Variants in THSD7A observed in about 807,000 individuals in gnomAD.
The protein encoded by THSD7A is thrombospondin type 1 domain containing 7A.
THSD7A carries 96 observed loss-of-function variants against 231.3 expected under a neutral mutation model. The ratio of observed to expected loss-of-function variants is 0.41; its 90% CI spans 0.35 to 0.49. The LOEUF (loss-of-function observed/expected upper bound fraction) is 0.49. Ranked by LOEUF, THSD7A falls within the 20% of genes least tolerant of loss-of-function variation. THSD7A has a pLI of 0.05. For synonymous variants in THSD7A, 940 were observed against 743.3 expected, an observed-to-expected ratio of 1.26 and a Z score of -4.30; for missense variants, 2,290 against 2,070.2, an observed-to-expected ratio of 1.11 and a Z score of -2.06.
chr7:11,615,429 T>G (rs1371212906), intron 2 of THSD7A, among the ~76,000 whole-genome samples: 1 of 152,146 alleles, frequency 6.6e-6, no homozygotes, highest in Non-Finnish European at 1.5e-5. Context: ...CCACACTTGT[T>G]TCCTTGACTC....
intron 1 of THSD7A, among the ~76,000 whole-genome samples, chr7:11,680,308 A>G (rs1783820251): frequency 6.6e-6 from 1 of 152,334 alleles, no homozygotes; most frequent in South Asian, 2.1e-4. Flanking sequence ...CTTCATGACT[A>G]AAACACCAAA....
intron 23 of THSD7A, chr7:11,384,329 G>A (rs1007328258): frequency 6.6e-6 from 1 of 151,462 alleles, no homozygotes; most frequent in Non-Finnish European, 1.5e-5. Context: ...CAAGTTTGTG[G>A]CTTGTCCTGT....
rs762286945 is a variant in THSD7A, at chr7:11,447,408, C to G, written c.2622G>C (p.Lys874Asn). The change falls in exon 12 of 28, where the codon AAG becomes AAC. Residue 874 changes from lysine (K) to asparagine (N), a missense_variant. Transcript: ENST00000423059. ...GRQARAITCR[K>N]QDGGQAGIHE... ...GGATTCCAGCCTGTCCTCCATCTTG[C>G]TTGCGACAAGTAATGGCTAAAAGAA... 4 of 1,569,214 alleles carry G rather than the reference C, an allele frequency of 2.5e-6. No individual in the cohort carries two copies. In the Admixed American group the frequency reaches 7.9e-5, roughly 31 times the overall value.
At position 11,375,579 on chromosome 7, in the gene THSD7A, A is replaced by G. The variant is rs1321391814; in HGVS notation, c.*215T>C. 1.0e-5 allele frequency: 4 copies of G among 386,466 alleles called. No individual in the cohort carries two copies. The highest frequency in any genetic ancestry group is 2.1e-5 in the African/African-American group (1 of 47,986). The allele number at this position is 386,466 out of a possible 1,614,324, so 23.9% of individuals were successfully genotyped here. ...CAGAATGCAGCATGTATTCAGCTAA[A>G]TCTCCTATAATTCTCACGGTTGATG... is the stretch of plus-strand genomic sequence containing the variant. On this transcript the variant is annotated 3_prime_UTR_variant, in exon 28 of 28. Transcript: ENST00000423059.
intron 15 of THSD7A, among the ~76,000 whole-genome samples, chr7:11,425,930 C>G (rs768626692): frequency 1.3e-5 from 2 of 151,950 alleles, no homozygotes; most frequent in Non-Finnish European, 2.9e-5. Context: ...TAAAGTGGAC[C>G]TGTCTCAAAG....
chr7:11,384,352 T>G (rs563384179), intron 23 of THSD7A: 1 of 151,632 alleles, frequency 6.6e-6, no homozygotes, highest in African/African-American at 2.4e-5. Context: ...CCTTCTACTG[T>G]GTAGAAGTTT....
intron 1 of THSD7A, among the ~76,000 whole-genome samples, chr7:11,756,937 T>C (rs1049852348): frequency 2.0e-5 from 3 of 152,080 alleles, no homozygotes; most frequent in African/African-American, 4.8e-5. Flanking sequence ...AGTTATTGCA[T>C]GCTGAATTCT....
intron 4 of THSD7A, among the ~76,000 whole-genome samples, chr7:11,579,131 G>A (rs766706913): frequency 7.2e-5 from 11 of 152,166 alleles, no homozygotes; most frequent in Non-Finnish European, 1.3e-4. Context: ...TTTCCAAGAT[G>A]AATCTGTTGT....
At chr7:11,429,798 C>T (rs528531367) in intron 13 of THSD7A, among the ~76,000 whole-genome samples, 60 of 152,286 alleles carry the variant, frequency 3.9e-4, no homozygotes, top group African/African-American at 1.4e-3. Flanking sequence ...AGAGCGATGA[C>T]TGACTGAGTC....
chr7:11,753,484 G>C (rs1173219010), intron 1 of THSD7A, among the ~76,000 whole-genome samples: 1 of 151,664 alleles, frequency 6.6e-6, no homozygotes, highest in Non-Finnish European at 1.5e-5. Flanking sequence ...AAACTTAGGG[G>C]GTGGAAAGTC....
chr7:11,602,296 A>G (rs1780579845), intron 2 of THSD7A, among the ~76,000 whole-genome samples: 1 of 152,038 alleles, frequency 6.6e-6, no homozygotes. Context: ...GTGTGTGCAT[A>G]TATGTGTGTG....
At position 11,537,446 on chromosome 7, in the gene THSD7A, T is replaced by A. The variant is rs372665751; in HGVS notation, c.1822+3973A>T. ...CACTATCTCCTTGGTGCTGGCCTTA[T>A]GATAGTGAGTGAGTTCTCATGAGAT... On this transcript the variant is annotated intron_variant, in intron 6 of 27. Transcript: ENST00000423059. Among the ~76,000 whole-genome samples, 5 of 152,160 alleles carry A rather than the reference T, an allele frequency of 3.3e-5. No individual in the cohort carries two copies. The East Asian group carries it at 9.7e-4, about 29-fold the overall frequency.
chr7:11,715,902 A>T (rs1781119246), intron 1 of THSD7A, among the ~76,000 whole-genome samples: 1 of 151,578 alleles, frequency 6.6e-6, no homozygotes, highest in African/African-American at 2.4e-5. Context: ...TTTGTTCTGC[A>T]ACCATAGAAA....
At chr7:11,725,287 A>G (rs1180277120) in intron 1 of THSD7A, among the ~76,000 whole-genome samples, 1 of 151,852 alleles carries the variant, frequency 6.6e-6, no homozygotes, top group East Asian at 1.9e-4. Context: ...GTACTTTTAT[A>G]CTCTGATTTG....
rs867982909 is a variant in THSD7A, at chr7:11,536,226, G to A, written c.1822+5193C>T. Among the ~76,000 whole-genome samples the A allele has an allele frequency of 9.9e-5, 15 of 152,188 alleles. No individual in the cohort carries two copies. The Middle Eastern group carries it at 0.01, about 104-fold the overall frequency. On this transcript the variant is annotated intron_variant, in intron 6 of 27. Transcript: ENST00000423059. ...GACTGGAAAACTGCATATTCTCGTGGGCCCAGAAGACACTGTTTAATCGGG... is the reference window on the plus strand; with the variant it reads ...GACTGGAAAACTGCATATTCTCGTGAGCCCAGAAGACACTGTTTAATCGGG...
intron 1 of THSD7A, among the ~76,000 whole-genome samples, chr7:11,721,583 A>G (rs1781354966): frequency 6.6e-6 from 1 of 151,736 alleles, no homozygotes; most frequent in African/African-American, 2.4e-5. Context: ...CTTTATAGCA[A>G]TGTGAGAACG....
chr7:11,702,195 T>C (rs1780625097), intron 1 of THSD7A, among the ~76,000 whole-genome samples: 1 of 151,216 alleles, frequency 6.6e-6, no homozygotes, highest in African/African-American at 2.4e-5. Context: ...AGTTCATACT[T>C]CTAAAACCAG....
intron 1 of THSD7A, among the ~76,000 whole-genome samples, chr7:11,733,130 T>C (rs1781794708): frequency 6.6e-6 from 1 of 151,830 alleles, no homozygotes; most frequent in Non-Finnish European, 1.5e-5. Flanking sequence ...TACAGTGATT[T>C]CTTTCCTCTG....
chr7:11,775,397 T>G (rs1783369869), intron 1 of THSD7A, among the ~76,000 whole-genome samples: 1 of 152,180 alleles, frequency 6.6e-6, no homozygotes. Context: ...TACACCCGCG[T>G]TCATAGCAAC....
Sources: allele counts gnomAD v4.1 joint callset (sites outside exome capture counted in the v4.1 genomes callset), GRCh38; gene constraint gnomAD v4.1.1; transcripts MANE v1.5; gene names NCBI Gene and HGNC (gene_info 2026-07-23, HGNC 2026-07-21).